Variants in TAF3 observed in about 807,000 individuals in gnomAD.
The protein encoded by TAF3 is transcription initiation factor TFIID subunit 3.
TAF3 carries 7 observed loss-of-function variants against 80.6 expected under a neutral mutation model. The observed-to-expected ratio is 0.09, with a 90% CI of 0.05 to 0.16. TAF3 has a LOEUF of 0.16. Among genes scored for constraint, TAF3 ranks in the 10% least tolerant of loss-of-function variants. The probability of loss-of-function intolerance (pLI) is 1.00; values close to 1 mark genes in which losing one functional copy is unlikely to be tolerated. For synonymous variants in TAF3, 444 were observed against 446.1 expected (o/e 1.00, Z 0.06); for missense variants, 921 against 1,140.2 (o/e 0.81, Z 2.77).
At chr10:7,890,326 T>C (rs969360705) in intron 2 of TAF3, among the ~76,000 whole-genome samples, 1 of 152,240 alleles carries the variant, frequency 6.6e-6, no homozygotes, top group East Asian at 1.9e-4. Flanking sequence ...CCTAATTGGA[T>C]GCTCTTGGTA....
chr10:7,835,355 C>T (rs1267477075), intron 2 of TAF3, among the ~76,000 whole-genome samples: 13 of 152,230 alleles, frequency 8.5e-5, no homozygotes, highest in Admixed American at 7.9e-4. Flanking sequence ...GAAGGAGATT[C>T]AGGGTAGCTC....
At position 7,862,789 on chromosome 10, in the gene TAF3, T is replaced by G. The variant is rs557974983; in HGVS notation, c.409+38229T>G. ...TAAGTGAAATCATGGTATGTACTGT[T>G]TTTTGGTCTGGCCTTTTTTCACCAA... On this transcript the variant is annotated intron_variant, in intron 2 of 6. Transcript: ENST00000344293. Among the ~76,000 whole-genome samples the G allele has an allele frequency of 2.4e-3, 368 of 152,314 alleles. 3 individuals carry two copies. The highest frequency in any genetic ancestry group is 8.5e-3 in the African/African-American group (353 of 41,564).
At chr10:7,955,643 A>C (rs112040644) in intron 2 of TAF3, among the ~76,000 whole-genome samples, 1,664 of 152,336 alleles carry the variant, frequency 0.011, 19 homozygotes, top group Middle Eastern at 0.031. Flanking sequence ...GTGTTTCTTT[A>C]AAGGCATTTA....
intron 2 of TAF3, among the ~76,000 whole-genome samples, chr10:7,827,497 C>A (rs2131101004): frequency 6.6e-6 from 1 of 151,952 alleles, no homozygotes; most frequent in East Asian, 2.0e-4. Context: ...AAATAAAAAA[C>A]TTGGCTGGGC....
intron 2 of TAF3, among the ~76,000 whole-genome samples, chr10:7,878,608 AG>A (rs1406785010): frequency 6.6e-6 from 1 of 152,196 alleles, no homozygotes; most frequent in African/African-American, 2.4e-5. Context: ...CTATATTGGA[AG>A]GGAGTCCTGT....
chr10:7,863,678 T>TATATACACACACACAC (rs1554778386), intron 2 of TAF3, among the ~76,000 whole-genome samples: 1 of 81,570 alleles, frequency 1.2e-5, no homozygotes, highest in Admixed American at 1.5e-4. Context: ...CACACATATA[T>TATATACACACACACAC]ATATATACAC....
At chr10:7,833,064 T>A (rs2131106477) in intron 2 of TAF3, among the ~76,000 whole-genome samples, 1 of 152,350 alleles carries the variant, frequency 6.6e-6, no homozygotes, top group South Asian at 2.1e-4. Flanking sequence ...TGAATAGTAT[T>A]CTGTGGTGTA....
intron 2 of TAF3, among the ~76,000 whole-genome samples, chr10:7,887,107 C>T (rs1203090298): frequency 6.6e-6 from 1 of 151,848 alleles, no homozygotes; most frequent in Non-Finnish European, 1.5e-5. Context: ...TGGTGGCAGG[C>T]ACCTGTAGTC....
At chr10:7,889,944 C>T (rs1837443109) in intron 2 of TAF3, among the ~76,000 whole-genome samples, 2 of 152,284 alleles carry the variant, frequency 1.3e-5, no homozygotes, top group Admixed American at 1.3e-4. Context: ...GTGTCGTTTT[C>T]CTCCCTCCTC....
chr10:7,934,037 A>G (rs1243930188), intron 2 of TAF3, among the ~76,000 whole-genome samples: 1 of 152,242 alleles, frequency 6.6e-6, no homozygotes, highest in Non-Finnish European at 1.5e-5. Flanking sequence ...CTCATTGAGC[A>G]CAAAATGCCA....
Position 8,009,481 on chromosome 10 carries a change from C to G in TAF3, c.2568+151C>G. 1 of 1,226,620 alleles carries G rather than the reference C, an allele frequency of 8.2e-7. No homozygotes were observed. The highest frequency in any genetic ancestry group is 1.6e-5 in the African/African-American group (1 of 61,416). 76.0% of individuals were successfully genotyped at this position (1,226,620 alleles called of 1,614,324 possible). ...TTTGAGACAGGGTCTCCCTGTGTGG[C>G]TCAGGCTGGAGTACAGTGGCCCAAT... is the stretch of plus-strand genomic sequence containing the variant. On this transcript the variant is annotated intron_variant, in intron 5 of 6. Coordinates refer to ENST00000344293, the MANE Select transcript of TAF3 (RefSeq NM_031923.4). The surrounding 1 kb of genome is among the most constrained non-coding windows in gnomAD (Gnocchi z 4.1).
chr10:7,975,740 A>G (rs1029423896), intron 3 of TAF3, among the ~76,000 whole-genome samples: 3 of 152,222 alleles, frequency 2.0e-5, no homozygotes, highest in Non-Finnish European at 2.9e-5. Flanking sequence ...AGATAAATAC[A>G]TGAGAGAAAA....
At chr10:7,840,199 C>G (rs1393901560) in intron 2 of TAF3, among the ~76,000 whole-genome samples, 1 of 150,394 alleles carries the variant, frequency 6.6e-6, no homozygotes, top group Admixed American at 6.6e-5. Flanking sequence ...GTCACCCGGG[C>G]TGGAGTGCAG....
intron 2 of TAF3, among the ~76,000 whole-genome samples, chr10:7,871,840 T>C (rs1837269705): frequency 6.6e-6 from 1 of 152,226 alleles, no homozygotes; most frequent in Non-Finnish European, 1.5e-5. Flanking sequence ...TTTTACTAAA[T>C]ATGTGAATTT....
At chr10:7,923,588 AAC>A (rs1837786788) in intron 2 of TAF3, among the ~76,000 whole-genome samples, 5 of 144,484 alleles carry the variant, frequency 3.5e-5, no homozygotes, top group Non-Finnish European at 6.2e-5. Flanking sequence ...ATAGCAAAAA[AAC>A]AAAACAAAAC....
intron 2 of TAF3, among the ~76,000 whole-genome samples, chr10:7,905,632 A>G (rs1391609765): frequency 1.3e-5 from 2 of 152,204 alleles, no homozygotes; most frequent in African/African-American, 4.8e-5. Context: ...CTGTAATCCC[A>G]GCACTGTGGA....
chr10:7,882,286 C>T (rs1046540268), intron 2 of TAF3, among the ~76,000 whole-genome samples: 2 of 152,112 alleles, frequency 1.3e-5, no homozygotes, highest in African/African-American at 4.8e-5. Context: ...ACGTGTATTC[C>T]TCATTTACAA....
At chr10:7,853,673 A>C (rs1466450070) in intron 2 of TAF3, among the ~76,000 whole-genome samples, 2 of 152,214 alleles carry the variant, frequency 1.3e-5, no homozygotes, top group Non-Finnish European at 2.9e-5. Flanking sequence ...CTGCAGCCTG[A>C]TTCTGTAAAT....
chr10:7,995,656 T>C (rs185423481), intron 4 of TAF3, among the ~76,000 whole-genome samples: 1 of 152,352 alleles, frequency 6.6e-6, no homozygotes, highest in African/African-American at 2.4e-5. Context: ...TGCAATTTGT[T>C]TCATTTTTCA....
Sources: gnomAD v4.1 joint callset for allele counts (sites outside exome capture counted in the v4.1 genomes callset) on GRCh38, gnomAD v4.1.1 for gene constraint, Gnocchi (gnomAD v3.1) non-coding constraint, MANE v1.5 for transcripts, NCBI Gene and HGNC (gene_info 2026-07-23, HGNC 2026-07-21) for gene names.